The following DLGAP1 variants were observed in gnomAD, a reference collection of about 807,000 sequenced individuals.
The protein encoded by DLGAP1 is disks large-associated protein 1.
A neutral mutation model predicts 90.8 loss-of-function variants in DLGAP1; 11 were observed. The observed-to-expected ratio is 0.12, with a 90% CI of 0.08 to 0.20. DLGAP1 has a LOEUF of 0.20. Ranked by LOEUF, DLGAP1 falls within the 10% of genes least tolerant of loss-of-function variation. The pLI is 1.00. For synonymous variants in DLGAP1, 558 were observed against 540.7 expected (o/e 1.03, Z -0.44); for missense variants, 1,050 against 1,333.8 (o/e 0.79, Z 3.31).
chr18:3,789,251 T>A (rs2065606263), intron 5 of DLGAP1, among the ~76,000 whole-genome samples: 2 of 152,202 alleles, frequency 1.3e-5, no homozygotes, highest in African/African-American at 4.8e-5. Flanking sequence ...CAGACTTTAA[T>A]AACCTACTGC....
At chr18:4,031,562 AAC>A (rs2074796807) in intron 2 of DLGAP1, among the ~76,000 whole-genome samples, 1 of 152,174 alleles carries the variant, frequency 6.6e-6, no homozygotes, top group Admixed American at 6.5e-5. Context: ...GGAAATAAGC[AAC>A]AGTGTTTGTC....
intron 7 of DLGAP1, among the ~76,000 whole-genome samples, chr18:3,717,687 C>T (rs1463903731): frequency 6.6e-6 from 1 of 152,184 alleles, no homozygotes; most frequent in Non-Finnish European, 1.5e-5. Context: ...TCCCAGAAAG[C>T]TACAGCGTTC....
At chr18:4,318,472 G>T (rs181202029) in intron 1 of DLGAP1, among the ~76,000 whole-genome samples, 2 of 152,266 alleles carry the variant, frequency 1.3e-5, no homozygotes, top group East Asian at 3.9e-4. Flanking sequence ...GCTGAATCTA[G>T]AACAATGCAT....
intron 2 of DLGAP1, among the ~76,000 whole-genome samples, chr18:4,037,300 T>C (rs549058151): frequency 6.6e-6 from 1 of 152,310 alleles, no homozygotes; most frequent in East Asian, 1.9e-4. Context: ...ATATGGAGTC[T>C]ATACTAAGAA....
At position 4,091,955 on chromosome 18, in the gene DLGAP1, G is replaced by A. The variant is rs2075778663; in HGVS notation, c.-159+59225C>T. Among the ~76,000 whole-genome samples, 4 of 151,928 alleles carry A rather than the reference G, an allele frequency of 2.6e-5. No homozygotes were observed. The South Asian group carries it at 8.3e-4, about 32-fold the overall frequency. ...TTTTTTAATGAATCACAAATATCAA[G>A]GATAGGACAGTATGGGCTAAGATAA... On this transcript the variant is annotated intron_variant, in intron 2 of 12. Coordinates refer to ENST00000315677, the MANE Select transcript of DLGAP1 (RefSeq NM_004746.4).
chr18:3,818,000 T>G (rs2067189818), intron 4 of DLGAP1, among the ~76,000 whole-genome samples: 1 of 152,178 alleles, frequency 6.6e-6, no homozygotes, highest in Admixed American at 6.5e-5. Flanking sequence ...GCTGGTGGGA[T>G]GCCCTGCTTG....
chr18:3,532,611 A>C lies in DLGAP1; in HGVS notation c.2479+1583T>G, dbSNP rs367711573. ...AAAAAGAAAAAAAAAGAAAAAGCTC[A>C]TAATAAAAATTGAAAAAGTAATTTA... On this transcript the variant is annotated intron_variant, in intron 10 of 12. Coordinates refer to ENST00000315677, the MANE Select transcript of DLGAP1 (RefSeq NM_004746.4). Among the ~76,000 whole-genome samples, 108 of 152,132 alleles carry C rather than the reference A, an allele frequency of 7.1e-4. 4 individuals are homozygous for C. The South Asian group carries it at 0.022, about 30-fold the overall frequency.
At chr18:4,201,909 G>A (rs1300862419) in intron 1 of DLGAP1, among the ~76,000 whole-genome samples, 1 of 152,024 alleles carries the variant, frequency 6.6e-6, no homozygotes, top group African/African-American at 2.4e-5. Flanking sequence ...AAGGAAAACA[G>A]TATAAAAGAT....
At chr18:4,143,705 A>C (rs1183778980) in intron 2 of DLGAP1, among the ~76,000 whole-genome samples, 1 of 151,996 alleles carries the variant, frequency 6.6e-6, no homozygotes, top group East Asian at 2.0e-4. Context: ...CTAGTCACCC[A>C]AACTGGGGAT....
intron 4 of DLGAP1, among the ~76,000 whole-genome samples, chr18:3,869,058 T>G (rs1252626743): frequency 6.6e-6 from 1 of 152,192 alleles, no homozygotes; most frequent in Non-Finnish European, 1.5e-5. Context: ...TTATTACTAA[T>G]TAAGCTTGTC....
chr18:4,267,282 A>T (rs920084639), intron 1 of DLGAP1, among the ~76,000 whole-genome samples: 2 of 152,162 alleles, frequency 1.3e-5, no homozygotes, highest in East Asian at 1.9e-4. Flanking sequence ...TTACCTGCCC[A>T]CCTGTGCACC....
Position 4,226,454 on chromosome 18 carries a change from G to T in DLGAP1, c.-266-75167C>A, listed in dbSNP as rs74323501. On this transcript the variant is annotated intron_variant, in intron 1 of 12. Coordinates refer to ENST00000315677, the MANE Select transcript of DLGAP1 (RefSeq NM_004746.4). ...CATATCTTGAGTAGAAAGATTAAAA[G>T]ATAATCTGATTAAAAATAATAACTA... 9.9e-3 allele frequency among the ~76,000 whole-genome samples: 1,505 copies of T among 152,084 alleles called. 30 individuals carry two copies. The highest frequency in any genetic ancestry group is 0.034 in the African/African-American group (1,403 of 41,544).
intron 3 of DLGAP1, among the ~76,000 whole-genome samples, chr18:3,981,563 G>C (rs746695408): frequency 5.9e-5 from 9 of 152,228 alleles, no homozygotes; most frequent in South Asian, 2.1e-4. Context: ...AAGGCAAAGG[G>C]ATGGCAGGTG....
intron 1 of DLGAP1, among the ~76,000 whole-genome samples, chr18:4,160,685 A>T (rs2076829725): frequency 2.0e-5 from 3 of 152,172 alleles, no homozygotes; most frequent in Admixed American, 2.0e-4. Context: ...CACTATACAG[A>T]CCTAGGCAGT....
At chr18:3,738,777 G>C (rs1181777439) in intron 6 of DLGAP1, among the ~76,000 whole-genome samples, 1 of 148,798 alleles carries the variant, frequency 6.7e-6, no homozygotes, top group Non-Finnish European at 1.5e-5. Context: ...TGACAAATGG[G>C]ATCTAATTAA....
chr18:3,596,334 AT>A (rs1323547353), intron 7 of DLGAP1, among the ~76,000 whole-genome samples: 1 of 151,782 alleles, frequency 6.6e-6, no homozygotes, highest in South Asian at 2.1e-4. Flanking sequence ...TTATTTTTAT[AT>A]TTTTAATAGA....
intron 2 of DLGAP1, among the ~76,000 whole-genome samples, chr18:4,029,525 T>G (rs970528999): frequency 6.6e-6 from 1 of 152,106 alleles, no homozygotes; most frequent in Non-Finnish European, 1.5e-5. Context: ...ATTAAATAAA[T>G]AGTTGAGTGG....
intron 7 of DLGAP1, among the ~76,000 whole-genome samples, chr18:3,717,677 TC>T (rs904374377): frequency 7.9e-5 from 12 of 152,324 alleles, no homozygotes; most frequent in African/African-American, 2.9e-4. Flanking sequence ...ATCAGAGTCA[TC>T]CCAGAAAGCT....
intron 2 of DLGAP1, among the ~76,000 whole-genome samples, chr18:4,029,345 T>A (rs2074754869): frequency 6.6e-6 from 1 of 152,202 alleles, no homozygotes; most frequent in African/African-American, 2.4e-5. Flanking sequence ...GATATACTGA[T>A]TTCATTTCCT....
Sources: allele counts gnomAD v4.1 joint callset (sites outside exome capture counted in the v4.1 genomes callset), GRCh38; gene constraint gnomAD v4.1.1; transcripts MANE v1.5; gene names NCBI Gene and HGNC (gene_info 2026-07-23, HGNC 2026-07-21).